Variants in SPAG16 observed in about 807,000 individuals in gnomAD.
SPAG16 encodes the protein sperm associated antigen 16.
SPAG16 carries 86 observed loss-of-function variants against 80.4 expected under a neutral mutation model. That is an observed-to-expected ratio of 1.07 (90% CI 0.90 to 1.28). The LOEUF is 1.28. SPAG16 is among the 50% of genes most tolerant of loss of function. The pLI, the probability that SPAG16 is intolerant of heterozygous loss-of-function variation, is 0.00. For missense variants in SPAG16, 870 were observed against 765.3 expected, an observed-to-expected ratio of 1.14 and a Z score of -1.61; for synonymous variants, 294 against 265.9, an observed-to-expected ratio of 1.11 and a Z score of -1.03.
rs562679118 is a variant in SPAG16, at chr2:214,383,331, G to A, written c.1721-26809G>A. Among the ~76,000 whole-genome samples, 19 of 152,150 alleles carry A rather than the reference G, an allele frequency of 1.2e-4. 1 individual carries two copies. The East Asian group carries it at 3.1e-3, about 25-fold the overall frequency. ...CTCACCTCTGCAATCCTAGCACTTC[G>A]GTAGGCTGTGGCAGGCAGATCACCT... On this transcript the variant is annotated intron_variant, in intron 15 of 15. Coordinates refer to ENST00000331683, the MANE Select transcript of SPAG16 (RefSeq NM_024532.5).
chr2:213,482,100 G>A (rs972127680), intron 9 of SPAG16, among the ~76,000 whole-genome samples: 1 of 152,204 alleles, frequency 6.6e-6, no homozygotes, highest in East Asian at 1.9e-4. Context: ...AAATATCTCA[G>A]TGGATTAAAA....
intron 9 of SPAG16, among the ~76,000 whole-genome samples, chr2:213,410,925 C>T (rs2068932849): frequency 6.6e-6 from 1 of 152,230 alleles, no homozygotes; most frequent in Non-Finnish European, 1.5e-5. Context: ...GAGGGCCATC[C>T]AGCTTCCGTC....
At chr2:213,497,289 T>A (rs1471734180) in intron 10 of SPAG16, among the ~76,000 whole-genome samples, 5 of 152,152 alleles carry the variant, frequency 3.3e-5, no homozygotes, top group African/African-American at 1.2e-4. Flanking sequence ...GTTCTATGAA[T>A]AAATACATTA....
chr2:213,494,409 A>G (rs1309386953), intron 10 of SPAG16, among the ~76,000 whole-genome samples: 1 of 152,158 alleles, frequency 6.6e-6, no homozygotes, highest in Non-Finnish European at 1.5e-5. Flanking sequence ...AAACGTACCA[A>G]ATCTGTGTGA....
chr2:213,618,595 T>C (rs1380212808), intron 10 of SPAG16, among the ~76,000 whole-genome samples: 1 of 152,200 alleles, frequency 6.6e-6, no homozygotes, highest in East Asian at 1.9e-4. Context: ...AGAAGGCCCT[T>C]CCTTTCCATT....
chr2:214,051,891 G>GTAC (rs1336639019), intron 13 of SPAG16, among the ~76,000 whole-genome samples: 2 of 152,122 alleles, frequency 1.3e-5, no homozygotes, highest in East Asian at 3.9e-4. Flanking sequence ...ATCATTAGAC[G>GTAC]TACTTCATAA....
At chr2:213,854,807 T>A (rs2075074287) in intron 10 of SPAG16, among the ~76,000 whole-genome samples, 1 of 152,236 alleles carries the variant, frequency 6.6e-6, no homozygotes, top group East Asian at 1.9e-4. Context: ...TAAACATTAG[T>A]CTACCCCATG....
At chr2:214,233,900 G>C (rs1330365839) in intron 15 of SPAG16, among the ~76,000 whole-genome samples, 2 of 151,706 alleles carry the variant, frequency 1.3e-5, no homozygotes, top group Non-Finnish European at 2.9e-5. Context: ...TAATTATTTT[G>C]AGTTCAGGGG....
At chr2:214,031,555 C>A (rs2048413411) in intron 13 of SPAG16, among the ~76,000 whole-genome samples, 1 of 142,978 alleles carries the variant, frequency 7.0e-6, no homozygotes, top group South Asian at 2.2e-4. Flanking sequence ...TGTAACTAAC[C>A]TGCACATTGT....
chr2:214,399,372 G>A (rs776705443), intron 15 of SPAG16, among the ~76,000 whole-genome samples: 25 of 151,842 alleles, frequency 1.6e-4, no homozygotes, highest in Non-Finnish European at 3.4e-4. Context: ...TTATCACTTA[G>A]CCTCTTTTAC....
intron 8 of SPAG16, chr2:213,364,618 A>C (rs1379264807): frequency 6.6e-6 from 1 of 152,352 alleles, no homozygotes; most frequent in Non-Finnish European, 1.5e-5. Flanking sequence ...GAAATGTCAG[A>C]GACCCTAGTT....
At chr2:213,478,641 C>T (rs1047676148) in intron 9 of SPAG16, among the ~76,000 whole-genome samples, 6 of 152,102 alleles carry the variant, frequency 3.9e-5, no homozygotes, top group African/African-American at 9.7e-5. Context: ...TTCATAGTTC[C>T]GTATCCCAGG....
At chr2:213,957,076 A>G (rs2044184652) in intron 12 of SPAG16, among the ~76,000 whole-genome samples, 1 of 151,888 alleles carries the variant, frequency 6.6e-6, no homozygotes, top group South Asian at 2.1e-4. Flanking sequence ...TACCATGTCT[A>G]CTTAAGAAGA....
At chr2:213,915,950 A>T (rs1307390330) in intron 11 of SPAG16, among the ~76,000 whole-genome samples, 1 of 151,920 alleles carries the variant, frequency 6.6e-6, no homozygotes, top group African/African-American at 2.4e-5. Flanking sequence ...TTCTTCACCT[A>T]CTTTTTGATG....
chr2:214,141,789 T>A (rs969765797), intron 14 of SPAG16, among the ~76,000 whole-genome samples: 2 of 152,222 alleles, frequency 1.3e-5, no homozygotes, highest in African/African-American at 4.8e-5. Flanking sequence ...ATCTGTCATT[T>A]TTCACTTGTA....
At chr2:213,561,020 C>T (rs2059585948) in intron 10 of SPAG16, among the ~76,000 whole-genome samples, 1 of 152,166 alleles carries the variant, frequency 6.6e-6, no homozygotes, top group African/African-American at 2.4e-5. Context: ...TCTGCCTCTA[C>T]ATATAGTTAA....
chr2:213,399,179 A>G (rs1334762515), intron 9 of SPAG16, among the ~76,000 whole-genome samples: 1 of 152,102 alleles, frequency 6.6e-6, no homozygotes, highest in African/African-American at 2.4e-5. Flanking sequence ...GTGGTTAAAT[A>G]GTGGTGGTTA....
intron 10 of SPAG16, among the ~76,000 whole-genome samples, chr2:213,659,980 CT>C (rs941135467): frequency 6.6e-6 from 1 of 151,614 alleles, no homozygotes; most frequent in East Asian, 1.9e-4. Flanking sequence ...TCTTTTCTTT[CT>C]TTTTTTTAAG....
At chr2:213,889,753 A>G (rs2076715658) in intron 11 of SPAG16, among the ~76,000 whole-genome samples, 1 of 150,142 alleles carries the variant, frequency 6.7e-6, no homozygotes, top group Non-Finnish European at 1.5e-5. Flanking sequence ...ATATTTTTTA[A>G]CCGCCCACCT....
Sources: allele counts gnomAD v4.1 joint callset (sites outside exome capture counted in the v4.1 genomes callset), GRCh38; gene constraint gnomAD v4.1.1; transcripts MANE v1.5; gene names NCBI Gene and HGNC (gene_info 2026-07-23, HGNC 2026-07-21).